The following RPS7 variants were observed in gnomAD, a reference collection of about 807,000 sequenced individuals.
RPS7 encodes the protein small ribosomal subunit protein eS7.
A neutral mutation model predicts 22.1 loss-of-function variants in RPS7; 1 was observed. That is an observed-to-expected ratio of 0.05 (90% CI 0.02 to 0.21). The LOEUF (loss-of-function observed/expected upper bound fraction) is 0.21. RPS7 is among the 10% of genes least tolerant of loss of function. The pLI is 1.00. For missense variants in RPS7, 137 were observed against 246.4 expected (o/e 0.56, Z 2.97); for synonymous variants, 80 against 92.0 (o/e 0.87, Z 0.74).
chr2:3,580,553 G>C (rs1661381760), intron 6 of RPS7: 1 of 623,122 alleles, frequency 1.6e-6, no homozygotes, highest in African/African-American at 1.8e-5. Flanking sequence ...TGGGATCAGT[G>C]TCTTGGGGGG....
At chr2:3,575,734 G>C in intron 2 of RPS7, 50 bp downstream of exon 2, 1 of 1,596,922 alleles carries the variant, frequency 6.3e-7, no homozygotes, top group Non-Finnish European at 8.6e-7. Flanking sequence ...CCCCGCCCGG[G>C]AGGGGAGGCG....
chr2:3,579,823 C>G (rs1404617638), intron 5 of RPS7: 67 of 530,074 alleles, frequency 1.3e-4, no homozygotes, highest in Admixed American at 5.4e-4. Flanking sequence ...ATCTCACATT[C>G]CCTAGAGATG....
Position 3,576,481 on chromosome 2 carries a change from C to A in RPS7, c.148-6C>A, listed in dbSNP as rs533287773. 5.6e-6 allele frequency: 9 copies of A among 1,613,124 alleles called. No individual in the cohort carries two copies. Among genetic ancestry groups the A allele is most frequent in the Non-Finnish European group, 7.6e-6 (9 of 1,179,352 alleles). On this transcript the variant is annotated splice_region_variant and splice_polypyrimidine_tract_variant and intron_variant, in intron 3 of 6. Transcript: ENST00000645674. ...TAACACAGTGGATTTTTGTTTTTTT[C>A]TTTAGGAAATTGAAGTTGGTGGTGG...
Position 3,575,369 on chromosome 2 carries a change from C to G in RPS7, c.-19+19C>G, listed in dbSNP as rs1661251098. Reference sequence around the variant, plus strand: ...CGGCAAGGTAGGTTGGCGGCCTGCTCTCCGACAGAACTTTTCTTCTTGGGT... The same window carrying G: ...CGGCAAGGTAGGTTGGCGGCCTGCTGTCCGACAGAACTTTTCTTCTTGGGT... On this transcript the variant is annotated intron_variant, in intron 1 of 6. Coordinates refer to ENST00000645674, the MANE Select transcript of RPS7 (RefSeq NM_001011.4). 3 of 556,780 alleles carry G rather than the reference C, an allele frequency of 5.4e-6. No homozygotes were observed. The highest frequency in any genetic ancestry group is 9.5e-6 in the Non-Finnish European group (3 of 315,716). 34.5% of individuals were successfully genotyped at this position (556,780 alleles called of 1,614,324 possible). A position where few individuals can be genotyped will look rare whatever the true frequency, so the allele number is the denominator to read the frequency against.
rs184210411 is a variant in RPS7, at chr2:3,577,509, T to C, written c.292-201T>C. ...TGGCGTATTAGTAGAGGCTGTGGAT[T>C]CTGAATGATTTATTCAAGAATCAGG... On this transcript the variant is annotated intron_variant, in intron 4 of 6. Transcript: ENST00000645674. 2.2e-5 allele frequency: 13 copies of C among 595,208 alleles called. No individual in the cohort carries two copies. The African/African-American group carries it at 2.4e-4, about 11-fold the overall frequency. 36.9% of individuals were successfully genotyped at this position (595,208 alleles called of 1,614,324 possible).
chr2:3,577,965 A>G, intron 5 of RPS7, 191 bp downstream of exon 5: 1 of 598,872 alleles, frequency 1.7e-6, no homozygotes. Flanking sequence ...TCATGTAGCC[A>G]TTGTTTGCCT....
chr2:3,577,203 G>T (rs1381108494), intron 4 of RPS7: 2 of 177,826 alleles, frequency 1.1e-5, no homozygotes, highest in Admixed American at 1.1e-4. Flanking sequence ...GGGCGTGGTG[G>T]TGGGCGCCTG....
chr2:3,575,965 G>A, intron 3 of RPS7, 77 bp downstream of exon 3: 1 of 1,070,556 alleles, frequency 9.3e-7, no homozygotes, highest in Non-Finnish European at 1.4e-6. Context: ...GTTGGACCTG[G>A]GTTACGGTTG....
chr2:3,578,297 C>G (rs1303455121), intron 5 of RPS7: 1 of 155,338 alleles, frequency 6.4e-6, no homozygotes, highest in Non-Finnish European at 1.4e-5. Flanking sequence ...TGAACTAGAT[C>G]TTTTGGTATT....
At chr2:3,579,961 A>G (rs1185222671) in intron 5 of RPS7, 149 bp from the exon 6 acceptor site, 1 of 783,286 alleles carries the variant, frequency 1.3e-6, no homozygotes. Flanking sequence ...TTGGTACGTG[A>G]AATATAACAA....
In RPS7 at chr2:3,576,513, A is replaced by T. The variant is rs750927050; in HGVS notation, c.174A>T (p.Lys58Asn). Residue 58 changes from lysine to asparagine, a missense_variant, in exon 4 of 7, where the codon AAA becomes AAT. Physicochemically the swap from Lys to Asn is moderately conservative, Grantham distance 94. Transcript: ENST00000645674. ...AKEIEVGGGR[K>N]AIIIFVPVPQ... ...AAATTGAAGTTGGTGGTGGTCGGAA[A>T]GCTATCATAATCTTTGTTCCCGTTC... The T allele has an allele frequency of 6.2e-7, 1 of 1,614,054 alleles. No homozygotes were observed. Among genetic ancestry groups the T allele is most frequent in the South Asian group, 1.1e-5 (1 of 91,074 alleles).
chr2:3,579,816 TCA>T, intron 5 of RPS7: 5 of 510,332 alleles, frequency 9.8e-6, no homozygotes, highest in Non-Finnish European at 1.8e-5. Flanking sequence ...TCCTCTAATC[TCA>T]CATTCCCTAG....
In RPS7 at chr2:3,575,582, G is replaced by A; in HGVS notation, c.-18-10G>A. The A allele has an allele frequency of 6.2e-7, 1 of 1,600,900 alleles. No individual in the cohort carries two copies. The highest frequency in any genetic ancestry group is 8.5e-7 in the Non-Finnish European group (1 of 1,170,586). The stretch of plus-strand genomic sequence containing the variant: ...CCCGGGCCGCGTAACGCTGACCGCT[G>A]TGCCTTCAGTTCTCCCAGGAGAAAG... On this transcript the variant is annotated splice_polypyrimidine_tract_variant and intron_variant, in intron 1 of 6. Transcript: ENST00000645674.
intron 4 of RPS7, chr2:3,576,987 C>T (rs922136091): frequency 1.6e-5 from 5 of 322,140 alleles, no homozygotes; most frequent in Admixed American, 4.7e-5. Context: ...AATGATTTCC[C>T]ATATTTAAAT....
chr2:3,575,749 C>T, intron 2 of RPS7, 65 bp downstream of exon 2: 1 of 1,594,486 alleles, frequency 6.3e-7, no homozygotes, highest in Admixed American at 1.7e-5. Context: ...GAGGCGGCCG[C>T]GCGTGTGTTG....
Position 3,575,316 on chromosome 2 carries a change from G to C in RPS7, c.-53G>C, listed in dbSNP as rs1391384012. 1 of 485,018 alleles carries C rather than the reference G, an allele frequency of 2.1e-6. No homozygotes were observed. The highest frequency in any genetic ancestry group is 2.3e-5 in the South Asian group (1 of 42,818). The allele number at this position is 485,018 out of a possible 1,614,324, so 30.0% of individuals were successfully genotyped here. The stretch of plus-strand genomic sequence containing the variant: ...GCCGGATTTTGACGTGCTCTCGCGA[G>C]ATTTGGGTCTCTTCCTAAGCCGGCG... On this transcript the variant is annotated 5_prime_UTR_variant, in exon 1 of 7. Coordinates refer to ENST00000645674, the MANE Select transcript of RPS7 (RefSeq NM_001011.4).
chr2:3,576,171 G>T (rs557808922), intron 3 of RPS7: 140 of 593,324 alleles, frequency 2.4e-4, no homozygotes, highest in Non-Finnish European at 1.6e-4. Context: ...CTTAGTTATA[G>T]ATACGGCAAA....
chr2:3,580,583 T>C (rs989236590), intron 6 of RPS7: 28 of 622,076 alleles, frequency 4.5e-5, no homozygotes, highest in East Asian at 1.6e-4. Flanking sequence ...TGTGGGTGAC[T>C]GCTGGGGTCC....
At chr2:3,575,960 A>G in intron 3 of RPS7, 72 bp downstream of exon 3, 1 of 1,101,972 alleles carries the variant, frequency 9.1e-7, no homozygotes, top group Non-Finnish European at 1.4e-6. Context: ...AGAGGGTTGG[A>G]CCTGGGTTAC....
Sources: gnomAD v4.1 joint callset for allele counts on GRCh38, gnomAD v4.1.1 for gene constraint, MANE v1.5 for transcripts, NCBI Gene and HGNC (gene_info 2026-07-23, HGNC 2026-07-21) for gene names.